The following SPOCK1 variants were observed in gnomAD, a reference collection of about 807,000 sequenced individuals.
SPOCK1 encodes the protein testican-1.
In SPOCK1, 23 loss-of-function variants were observed where a neutral mutation model predicts 55.3. The ratio of observed to expected loss-of-function variants is 0.42; its 90% CI spans 0.30 to 0.59. The LOEUF (loss-of-function observed/expected upper bound fraction) is 0.59. Among genes scored for constraint, SPOCK1 ranks in the 20% least tolerant of loss-of-function variants. SPOCK1 has a pLI of 0.22. For synonymous variants in SPOCK1, 226 were observed against 221.0 expected (o/e 1.02, Z -0.20); for missense variants, 499 against 552.5 (o/e 0.90, Z 0.97).
chr5:137,236,322 C>T (rs989585102), intron 3 of SPOCK1, among the ~76,000 whole-genome samples: 1 of 152,240 alleles, frequency 6.6e-6, no homozygotes, highest in African/African-American at 2.4e-5. Flanking sequence ...GCACACCAGG[C>T]CCTTCATGGA....
intron 6 of SPOCK1, among the ~76,000 whole-genome samples, chr5:137,066,987 C>CACACACACACACACACAGAG (rs1343691789): frequency 1.4e-5 from 2 of 139,586 alleles, no homozygotes; most frequent in African/African-American, 2.6e-5. Context: ...CACACACACA[C>CACACACACACACACACAGAG]AGAGAGAGAG....
rs34405933 is a variant in SPOCK1, at chr5:137,161,007, G to GATAT, written c.233-20317_233-20314dup. Among the ~76,000 whole-genome samples the GATAT allele has an allele frequency of 5.8e-4, 82 of 142,092 alleles. 1 individual carries two copies. The highest frequency in any genetic ancestry group is 1.6e-3 in the African/African-American group (64 of 38,978). The allele number at this position is 142,092 out of a possible 152,430, so 93.2% of individuals were successfully genotyped here. A position where few individuals can be genotyped will look rare whatever the true frequency, so the allele number is the denominator to read the frequency against. On this transcript the variant is annotated intron_variant, in intron 3 of 10. Transcript: ENST00000394945. Reference sequence around the variant, plus strand: ...CAATCAATGAATGAAGAAACTGTGAGATATATATATATATATATATATTAC... The same window carrying GATAT: ...CAATCAATGAATGAAGAAACTGTGAGATATATATATATATATATATATATATTAC...
intron 6 of SPOCK1, among the ~76,000 whole-genome samples, chr5:137,017,533 TAGAC>T (rs1003047075): frequency 6.6e-6 from 1 of 152,210 alleles, no homozygotes; most frequent in Non-Finnish European, 1.5e-5. Context: ...CAAGATTCTT[TAGAC>T]AGAACCACAA....
intron 3 of SPOCK1, among the ~76,000 whole-genome samples, chr5:137,224,518 T>C (rs1755912761): frequency 1.3e-5 from 2 of 152,202 alleles, no homozygotes; most frequent in South Asian, 4.1e-4. Flanking sequence ...TGGCAGTTCA[T>C]ACCTAATTCC....
chr5:137,404,981 G>A (rs538020126), intron 2 of SPOCK1, among the ~76,000 whole-genome samples: 1 of 152,278 alleles, frequency 6.6e-6, no homozygotes, highest in East Asian at 1.9e-4. Flanking sequence ...ATTCATACCA[G>A]GAGCCAGCAG....
At chr5:137,083,573 C>A (rs563730831) in intron 5 of SPOCK1, among the ~76,000 whole-genome samples, 1 of 152,150 alleles carries the variant, frequency 6.6e-6, no homozygotes, top group Admixed American at 6.5e-5. Context: ...ACAAAACAGG[C>A]AAGGCTGCTG....
intron 2 of SPOCK1, among the ~76,000 whole-genome samples, chr5:137,408,350 C>T (rs899628376): frequency 6.6e-6 from 1 of 152,154 alleles, no homozygotes; most frequent in African/African-American, 2.4e-5. Flanking sequence ...GGGAGAGAGA[C>T]AGACAGGGAC....
intron 2 of SPOCK1, among the ~76,000 whole-genome samples, chr5:137,420,432 T>C (rs1409764273): frequency 6.6e-6 from 1 of 152,048 alleles, no homozygotes; most frequent in African/African-American, 2.4e-5. Context: ...GTCCTGGACT[T>C]TTTTTTGGTT....
At chr5:137,319,148 G>A (rs935660577) in intron 2 of SPOCK1, among the ~76,000 whole-genome samples, 1 of 152,192 alleles carries the variant, frequency 6.6e-6, no homozygotes, top group Non-Finnish European at 1.5e-5. Context: ...GAAGGTTATG[G>A]AGCCTGTTTG....
At position 137,003,668 on chromosome 5, in the gene SPOCK1, A is replaced by C. The variant is rs113767910; in HGVS notation, c.590-11068T>G. 3.9e-3 allele frequency among the ~76,000 whole-genome samples: 587 copies of C among 152,316 alleles called. 8 individuals carry two copies. The highest frequency in any genetic ancestry group is 0.02 in the Middle Eastern group (6 of 294). On this transcript the variant is annotated intron_variant, in intron 6 of 10. Transcript: ENST00000394945. ...TTTGACCTGCTCAGATTCAACATCC[A>C]AATCTAGGTATTATTGAACAATTTT...
At chr5:137,036,289 AT>A (rs11306551) in intron 6 of SPOCK1, among the ~76,000 whole-genome samples, 107,148 of 150,106 alleles carry the variant, frequency 0.71, 38,452 homozygotes, top group South Asian at 0.84. Context: ...TGCCTTGCCC[AT>A]TTTTTTTTTT....
intron 3 of SPOCK1, among the ~76,000 whole-genome samples, chr5:137,257,686 C>T (rs888742975): frequency 3.3e-5 from 5 of 152,214 alleles, no homozygotes; most frequent in Non-Finnish European, 7.3e-5. Context: ...ACATTTCTCC[C>T]CACCAGATGC....
chr5:137,352,481 T>A (rs970692203), intron 2 of SPOCK1, among the ~76,000 whole-genome samples: 2 of 152,236 alleles, frequency 1.3e-5, no homozygotes, highest in Admixed American at 6.5e-5. Flanking sequence ...TTCTATCTTT[T>A]TCACCAAGTT....
intron 2 of SPOCK1, among the ~76,000 whole-genome samples, chr5:137,449,784 A>G (rs1753210683): frequency 6.6e-6 from 1 of 150,902 alleles, no homozygotes. Context: ...AGTCCCAGCT[A>G]CTAAGGAGGC....
At chr5:137,130,128 C>T (rs547735876) in intron 4 of SPOCK1, among the ~76,000 whole-genome samples, 148 of 152,318 alleles carry the variant, frequency 9.7e-4, no homozygotes, top group African/African-American at 3.3e-3. Context: ...AGACTTCCCT[C>T]GCTGTCATAA....
intron 6 of SPOCK1, among the ~76,000 whole-genome samples, chr5:137,004,580 GCTATATTTGAT>G (rs906512839): frequency 6.6e-6 from 1 of 152,068 alleles, no homozygotes; most frequent in African/African-American, 2.4e-5. Context: ...TAGTAAAACT[GCTATATTTGAT>G]CTACATTTCC....
intron 3 of SPOCK1, among the ~76,000 whole-genome samples, chr5:137,241,904 C>G (rs983472864): frequency 2.0e-5 from 3 of 152,316 alleles, no homozygotes; most frequent in African/African-American, 7.2e-5. Flanking sequence ...TCTGACCCAG[C>G]AGCTCCTCTT....
chr5:137,144,409 T>C (rs1330675339), intron 3 of SPOCK1, among the ~76,000 whole-genome samples: 2 of 152,218 alleles, frequency 1.3e-5, no homozygotes, highest in Non-Finnish European at 2.9e-5. Flanking sequence ...ACAATTTGCA[T>C]ACAGAAATCA....
At chr5:137,118,685 C>A (rs1310491799) in intron 4 of SPOCK1, among the ~76,000 whole-genome samples, 1 of 152,146 alleles carries the variant, frequency 6.6e-6, no homozygotes, top group Non-Finnish European at 1.5e-5. Context: ...TGAAATTCAA[C>A]AATCTGTGTC....
Sources: allele counts gnomAD v4.1 joint callset (sites outside exome capture counted in the v4.1 genomes callset), GRCh38; gene constraint gnomAD v4.1.1; transcripts MANE v1.5; gene names NCBI Gene and HGNC (gene_info 2026-07-23, HGNC 2026-07-21).